The following ABCC4 variants were observed in gnomAD, a reference collection of about 807,000 sequenced individuals.
The protein encoded by ABCC4 is ATP binding cassette subfamily C member 4 (PEL blood group).
Under a neutral mutation model 168.5 loss-of-function variants are expected in ABCC4, and 102 were observed. The observed-to-expected ratio is 0.61, with a 90% confidence interval of 0.52 to 0.71. The LOEUF (loss-of-function observed/expected upper bound fraction) is 0.71. Among genes scored for constraint, ABCC4 ranks in the 30% least tolerant of loss-of-function variants. The probability of loss-of-function intolerance (pLI) is 0.00; values close to 1 mark genes in which losing one functional copy is unlikely to be tolerated. For synonymous variants in ABCC4, 617 were observed against 590.7 expected (o/e 1.04, Z -0.65); for missense variants, 1,402 against 1,605.8 (o/e 0.87, Z 2.17).
chr13:95,201,834 A>C (rs1448688471), intron 8 of ABCC4, among the ~76,000 whole-genome samples: 1 of 152,264 alleles, frequency 6.6e-6, no homozygotes, highest in African/African-American at 2.4e-5. Flanking sequence ...TTAGCTGGAC[A>C]TGGTGGCTCA....
chr13:95,263,723 T>G (rs1051367138), intron 1 of ABCC4, among the ~76,000 whole-genome samples: 5 of 151,856 alleles, frequency 3.3e-5, no homozygotes, highest in African/African-American at 1.2e-4. Flanking sequence ...CTTGTGAGAC[T>G]GAGGCAGGAG....
chr13:95,250,512 G>A (rs574181324), intron 1 of ABCC4, among the ~76,000 whole-genome samples: 1 of 152,200 alleles, frequency 6.6e-6, no homozygotes, highest in African/African-American at 2.4e-5. Context: ...CAATGATCTA[G>A]GGTAAAATTC....
intron 27 of ABCC4, among the ~76,000 whole-genome samples, chr13:95,046,027 G>A (rs1344940128): frequency 6.6e-6 from 1 of 152,072 alleles, no homozygotes; most frequent in Non-Finnish European, 1.5e-5. Flanking sequence ...TTTGGCTCGT[G>A]GTGCAAAATG....
intron 1 of ABCC4, among the ~76,000 whole-genome samples, chr13:95,275,265 T>C (rs1167133148): frequency 2.0e-5 from 3 of 152,216 alleles, no homozygotes; most frequent in Non-Finnish European, 1.5e-5. Flanking sequence ...GCAGGTAAAG[T>C]AGAATCACCA....
rs2031030405 is a variant in ABCC4, at chr13:95,020,530, T to C, written c.*1045A>G. 6.6e-6 allele frequency: 1 copy of C among 152,456 alleles called. No homozygotes were observed. Among genetic ancestry groups the C allele is most frequent in the Non-Finnish European group, 1.5e-5 (1 of 68,024 alleles). The allele number at this position is 152,456 out of a possible 1,614,324, so 9.4% of individuals were successfully genotyped here. A position where few individuals can be genotyped will look rare whatever the true frequency, so the allele number is the denominator to read the frequency against. On this transcript the variant is annotated 3_prime_UTR_variant, in exon 31 of 31. Transcript: ENST00000645237. ...ATGCTATTAGTGGTCAGGAGTAAAC[T>C]AACCTGGACAGGCTCATGAAAATGA...
At chr13:95,164,054 AAAAGAAAGAAAG>A (rs781636269) in intron 16 of ABCC4, among the ~76,000 whole-genome samples, 3 of 139,032 alleles carry the variant, frequency 2.2e-5, no homozygotes, top group South Asian at 2.3e-4. Flanking sequence ...AAAAAAAAAA[AAAAGAAAGAAAG>A]AAAGAAAGAA....
At chr13:95,146,208 C>CAA (rs796273450) in intron 19 of ABCC4, among the ~76,000 whole-genome samples, 83 of 124,842 alleles carry the variant, frequency 6.6e-4, no homozygotes, top group South Asian at 3.1e-3. Flanking sequence ...AAGACTCTCT[C>CAA]AAAAAAAAAA....
chr13:95,207,767 C>T (rs1218822441), intron 7 of ABCC4, 33 bp downstream of exon 7: 2 of 1,588,762 alleles, frequency 1.3e-6, no homozygotes, highest in Non-Finnish European at 1.7e-6. Flanking sequence ...TAGAAAAATA[C>T]AAAAATATGG....
At chr13:95,203,074 A>T (rs1298626348) in intron 8 of ABCC4, among the ~76,000 whole-genome samples, 1 of 152,162 alleles carries the variant, frequency 6.6e-6, no homozygotes, top group Non-Finnish European at 1.5e-5. Flanking sequence ...TTTATCTGTA[A>T]TGTGGGAATG....
intron 21 of ABCC4, among the ~76,000 whole-genome samples, chr13:95,079,173 G>C (rs1340554325): frequency 6.6e-6 from 1 of 152,158 alleles, no homozygotes; most frequent in Non-Finnish European, 1.5e-5. Context: ...AGTACCGAGG[G>C]AGAGCGTATG....
chr13:95,283,840 G>A (rs995807265), intron 1 of ABCC4, among the ~76,000 whole-genome samples: 7 of 147,982 alleles, frequency 4.7e-5, no homozygotes, highest in Non-Finnish European at 7.4e-5. Context: ...AGAGGTTGCC[G>A]TGAGCCGAGA....
intron 27 of ABCC4, among the ~76,000 whole-genome samples, chr13:95,047,412 A>C (rs1410677517): frequency 6.7e-6 from 1 of 149,192 alleles, no homozygotes; most frequent in Non-Finnish European, 1.5e-5. Context: ...GTAAGAGATC[A>C]ATAGATAATA....
intron 30 of ABCC4, among the ~76,000 whole-genome samples, chr13:95,023,786 T>C (rs2031234865): frequency 6.6e-6 from 1 of 152,194 alleles, no homozygotes; most frequent in South Asian, 2.1e-4. Context: ...TCTTTTATCT[T>C]TACAGAATCC....
At chr13:95,022,570 A>G (rs2031153130) in intron 30 of ABCC4, among the ~76,000 whole-genome samples, 1 of 152,214 alleles carries the variant, frequency 6.6e-6, no homozygotes, top group Admixed American at 6.5e-5. Context: ...TTTGGGTGAA[A>G]AAGGACTTCA....
At chr13:95,248,521 A>C (rs1471284761) in intron 1 of ABCC4, among the ~76,000 whole-genome samples, 2 of 152,236 alleles carry the variant, frequency 1.3e-5, no homozygotes, top group African/African-American at 4.8e-5. Context: ...AAAAAGAAAA[A>C]TCAAAATGGT....
intron 29 of ABCC4, 93 bp downstream of exon 29, chr13:95,043,589 C>T (rs1430829780): frequency 7.5e-6 from 8 of 1,063,892 alleles, no homozygotes; most frequent in Non-Finnish European, 8.4e-6. Context: ...AATTAACTTA[C>T]TAGGGGTTTC....
At chr13:95,125,310 C>T (rs2035718815) in intron 19 of ABCC4, among the ~76,000 whole-genome samples, 1 of 152,190 alleles carries the variant, frequency 6.6e-6, no homozygotes, top group Non-Finnish European at 1.5e-5. Context: ...AGGGCTGACA[C>T]AAATGACGAT....
intron 8 of ABCC4, among the ~76,000 whole-genome samples, chr13:95,196,558 A>AAGGAAAGG (rs1472966909): frequency 0.017 from 2,200 of 131,068 alleles, 284 homozygotes; most frequent in South Asian, 0.03. Context: ...AAAAAAATAA[A>AAGGAAAGG]AGGAAAGGAG....
rs190091308 is a variant in ABCC4, at chr13:95,256,599, A to T, written c.75-8846T>A. Among the ~76,000 whole-genome samples, 3 of 152,204 alleles carry T rather than the reference A, an allele frequency of 2.0e-5. No homozygotes were observed. In the South Asian group the frequency reaches 6.2e-4, roughly 32 times the overall value. On this transcript the variant is annotated intron_variant, in intron 1 of 30. Coordinates refer to ENST00000645237, the MANE Select transcript of ABCC4 (RefSeq NM_005845.5). ...GGCAAAACCCTGTCTCGACAAAAACATACAAAAAACTGGCCAGGTGTGGTG... is the reference window on the plus strand; with the variant it reads ...GGCAAAACCCTGTCTCGACAAAAACTTACAAAAAACTGGCCAGGTGTGGTG...
Sources: allele counts gnomAD v4.1 joint callset (sites outside exome capture counted in the v4.1 genomes callset), GRCh38; gene constraint gnomAD v4.1.1; transcripts MANE v1.5; gene names NCBI Gene and HGNC (gene_info 2026-07-23, HGNC 2026-07-21).